Variants in FTO observed in about 807,000 individuals in gnomAD.
The protein encoded by FTO is FTO alpha-ketoglutarate dependent dioxygenase, also known as alpha-ketoglutarate-dependent dioxygenase FTO.
Under a neutral mutation model 63.9 loss-of-function variants are expected in FTO, and 47 were observed. That is an observed-to-expected ratio of 0.74 (90% CI 0.58 to 0.94). FTO has a LOEUF of 0.94. Among genes scored for constraint, FTO ranks in the 40% least tolerant of loss-of-function variants. The pLI is 0.00. For missense variants in FTO, 562 were observed against 618.1 expected (o/e 0.91, Z 0.96); for synonymous variants, 207 against 224.4 (o/e 0.92, Z 0.69).
At position 53,730,682 on chromosome 16, in the gene FTO, G is replaced by A. The variant is rs1202433942; in HGVS notation, c.45+26453G>A. On this transcript the variant is annotated intron_variant, in intron 1 of 8. Coordinates refer to ENST00000471389, the MANE Select transcript of FTO (RefSeq NM_001080432.3). ...GCTAATTTTTTGTATTTTTAGTAGA[G>A]ACTTGGTTTCGCTATTATTGCCCAG... is the stretch of plus-strand genomic sequence containing the variant. Among the ~76,000 whole-genome samples, 13 of 152,010 alleles carry A rather than the reference G, an allele frequency of 8.6e-5. No individual in the cohort carries two copies. In the East Asian group the frequency reaches 2.5e-3, roughly 29 times the overall value.
At chr16:53,717,063 A>T (rs2075911543) in intron 1 of FTO, among the ~76,000 whole-genome samples, 1 of 151,294 alleles carries the variant, frequency 6.6e-6, no homozygotes, top group African/African-American at 2.4e-5. Flanking sequence ...TATTTTATGG[A>T]TTTTTTTCCA....
chr16:53,839,777 TTA>T (rs1288396947), intron 3 of FTO, among the ~76,000 whole-genome samples: 1 of 41,926 alleles, frequency 2.4e-5, no homozygotes, highest in Non-Finnish European at 3.9e-5. Flanking sequence ...TTCTTTTTTT[TTA>T]TTTATTTATT....
intron 3 of FTO, among the ~76,000 whole-genome samples, chr16:53,834,828 A>G (rs1401202147): frequency 6.6e-6 from 1 of 152,086 alleles, no homozygotes; most frequent in Non-Finnish European, 1.5e-5. Context: ...TGAACATTAT[A>G]TATTGGCTTC....
chr16:53,979,505 A>T, intron 8 of FTO: 1 of 395,770 alleles, frequency 2.5e-6, no homozygotes, highest in Non-Finnish European at 4.4e-6. Flanking sequence ...CTTTATCACT[A>T]CTGTGATTGG....
At chr16:53,916,740 A>G (rs1156516107) in intron 7 of FTO, among the ~76,000 whole-genome samples, 1 of 152,254 alleles carries the variant, frequency 6.6e-6, no homozygotes, top group East Asian at 1.9e-4. Context: ...TCAGAAGTTA[A>G]CATTTCATCT....
Position 54,111,790 on chromosome 16 carries a change from C to A in FTO, c.1393C>A (p.Pro465Thr). The A allele has an allele frequency of 6.2e-7, 1 of 1,614,112 alleles. No homozygotes were observed. The highest frequency in any genetic ancestry group is 1.3e-5 in the African/African-American group (1 of 74,998). The change falls in exon 9 of 9, where the codon CCT becomes ACT. Residue 465 changes from proline to threonine, a missense_variant. Pro to Thr is a conservative substitution (Grantham distance 38). Transcript: ENST00000471389. ...RCQSRIARTL[P>T]ADQKPECRPY... is the part of the protein sequence containing the mutation. ...CCAGTCACGAATTGCCCGAACATTA[C>A]CTGCTGATCAGAAGCCAGAATGTCG...
intron 8 of FTO, among the ~76,000 whole-genome samples, chr16:54,067,380 A>G (rs1456585211): frequency 6.6e-6 from 1 of 152,238 alleles, no homozygotes; most frequent in African/African-American, 2.4e-5. Flanking sequence ...CTATTGCTGG[A>G]GAGTGGATAA....
chr16:53,937,430 C>CGTA (rs1488405870), intron 8 of FTO: 10 of 393,534 alleles, frequency 2.5e-5, no homozygotes, highest in Non-Finnish European at 4.0e-5. Flanking sequence ...TCTTGACCTG[C>CGTA]GTAGCCCAAA....
chr16:53,939,559 C>G (rs2082475904), intron 8 of FTO, among the ~76,000 whole-genome samples: 1 of 152,140 alleles, frequency 6.6e-6, no homozygotes, highest in Non-Finnish European at 1.5e-5. Context: ...CTATCCAATT[C>G]CAGAGCATCT....
At position 53,877,527 on chromosome 16, in the gene FTO, G is replaced by A. The variant is rs183465383; in HGVS notation, c.976-2317G>A. On this transcript the variant is annotated intron_variant, in intron 5 of 8. Coordinates refer to ENST00000471389, the MANE Select transcript of FTO (RefSeq NM_001080432.3). The stretch of plus-strand genomic sequence containing the variant: ...TAGAAAGTAGATTAGTGGTTGCCTA[G>A]GGTTGGAAATGTTGGTAGAAATCAG... Among the ~76,000 whole-genome samples, 221 of 152,246 alleles carry A rather than the reference G, an allele frequency of 1.5e-3. 1 individual carries two copies. The highest frequency in any genetic ancestry group is 9.0e-4 in the Non-Finnish European group (61 of 68,014).
chr16:53,922,981 C>G (rs2082043025), intron 7 of FTO: 2 of 152,152 alleles, frequency 1.3e-5, no homozygotes, highest in South Asian at 4.1e-4. Context: ...TATGCTGTTT[C>G]CTGCTCCCGT....
At chr16:54,068,803 C>T (rs2085792012) in intron 8 of FTO, among the ~76,000 whole-genome samples, 1 of 152,116 alleles carries the variant, frequency 6.6e-6, no homozygotes, top group Admixed American at 6.5e-5. Context: ...ATATATCTCT[C>T]TTCCCCACTC....
chr16:53,826,072 C>A lies in FTO; in HGVS notation c.332C>A (p.Thr111Asn), dbSNP rs1191932724. Reference sequence around the variant, plus strand: ...GGCTGCACCTACAAGTACCTGAACACCAGGCTCTTTACGGTCCCCTGGCCA... The same window carrying A: ...GGCTGCACCTACAAGTACCTGAACAACAGGCTCTTTACGGTCCCCTGGCCA... The part of the protein sequence containing the change: ...NPGCTYKYLN[T>N]RLFTVPWPVK... Residue 111 changes from threonine (T) to asparagine (N), a missense_variant, in exon 3 of 9, where the codon ACC (threonine) becomes AAC (asparagine). Physicochemically the swap from Thr to Asn is moderately conservative, Grantham distance 65. Transcript: ENST00000471389. The A allele has an allele frequency of 6.2e-7, 1 of 1,614,164 alleles. No individual in the cohort carries two copies. The highest frequency in any genetic ancestry group is 1.7e-5 in the Admixed American group (1 of 60,030).
At chr16:53,747,782 T>C (rs1478638472) in intron 1 of FTO, among the ~76,000 whole-genome samples, 1 of 152,180 alleles carries the variant, frequency 6.6e-6, no homozygotes, top group African/African-American at 2.4e-5. Context: ...TGTCTTCTAG[T>C]AGTTTTGTAG....
chr16:54,029,968 G>T (rs916683305), intron 8 of FTO, among the ~76,000 whole-genome samples: 8 of 152,126 alleles, frequency 5.3e-5, no homozygotes, highest in African/African-American at 1.9e-4. Flanking sequence ...AGTAAGCTTC[G>T]TAAATCTATA....
intron 1 of FTO, among the ~76,000 whole-genome samples, chr16:53,729,508 G>GGA (rs1555624476): frequency 5.3e-5 from 8 of 149,678 alleles, no homozygotes; most frequent in South Asian, 2.1e-4. Context: ...GTATCGGGGG[G>GGA]AAAAAAAAAG....
At chr16:54,099,722 G>T (rs2086593113) in intron 8 of FTO, among the ~76,000 whole-genome samples, 1 of 152,138 alleles carries the variant, frequency 6.6e-6, no homozygotes, top group African/African-American at 2.4e-5. Flanking sequence ...CTCAGTGGTG[G>T]GCCAAGCAGT....
chr16:53,704,142 G>T, upstream of FTO: 5 of 1,547,420 alleles, frequency 3.2e-6, no homozygotes, highest in Non-Finnish European at 4.4e-6. Context: ...CAGGGCGAGG[G>T]ATCTACGCAG....
rs58244250 is a variant in FTO at position 53,918,328 on chromosome 16, A to G, written c.1240-15657A>G. On this transcript the variant is annotated intron_variant, in intron 7 of 8. Transcript: ENST00000471389. ...GTAGTCTGTTGCCCCCAGGCTATAA[A>G]CCTGTACAGCATGTTACTGTACTGC... Among the ~76,000 whole-genome samples, 485 of 152,266 alleles carry G rather than the reference A, an allele frequency of 3.2e-3. 3 individuals carry two copies. Among genetic ancestry groups the G allele is most frequent in the African/African-American group, 0.011 (462 of 41,524 alleles).
Sources: gnomAD v4.1 joint callset for allele counts (sites outside exome capture counted in the v4.1 genomes callset) on GRCh38, gnomAD v4.1.1 for gene constraint, MANE v1.5 for transcripts, NCBI Gene and HGNC (gene_info 2026-07-23, HGNC 2026-07-21) for gene names.